Variants in CAMK2D observed in about 807,000 individuals in gnomAD.
CAMK2D encodes calcium/calmodulin-dependent protein kinase type II subunit delta.
In CAMK2D, 37 loss-of-function variants were observed where a neutral mutation model predicts 84.0. That is an observed-to-expected ratio of 0.44 (90% CI 0.34 to 0.58). The LOEUF (loss-of-function observed/expected upper bound fraction) is 0.58, where lower values mean the gene tolerates loss of function less well. CAMK2D is among the 20% of genes least tolerant of loss of function. The probability of loss-of-function intolerance (pLI) is 0.02; values close to 1 mark genes in which losing one functional copy is unlikely to be tolerated. For missense variants in CAMK2D, 448 were observed against 652.5 expected, an observed-to-expected ratio of 0.69 and a Z score of 3.41; for synonymous variants, 202 against 212.5, an observed-to-expected ratio of 0.95 and a Z score of 0.43.
At chr4:113,455,987 G>A (rs560042777) in intron 19 of CAMK2D, among the ~76,000 whole-genome samples, 166 bp from the exon 20 acceptor site, 1 of 152,172 alleles carries the variant, frequency 6.6e-6, no homozygotes, top group South Asian at 2.1e-4. Flanking sequence ...TACCTCTTTG[G>A]GGTGAAAAAC....
At chr4:113,555,640 C>G (rs959433873) in intron 4 of CAMK2D, among the ~76,000 whole-genome samples, 7 of 152,164 alleles carry the variant, frequency 4.6e-5, no homozygotes, top group African/African-American at 1.7e-4. Context: ...GTGATGAAGG[C>G]AGAAGTTGTA....
chr4:113,655,501 T>C (rs1242655410), intron 3 of CAMK2D, among the ~76,000 whole-genome samples: 3 of 152,104 alleles, frequency 2.0e-5, no homozygotes, highest in East Asian at 3.8e-4. Flanking sequence ...CTGAAGTTCA[T>C]TAAGCCATAT....
At chr4:113,599,041 T>C (rs1213960859) in intron 4 of CAMK2D, among the ~76,000 whole-genome samples, 1 of 152,166 alleles carries the variant, frequency 6.6e-6, no homozygotes, top group Non-Finnish European at 1.5e-5. Flanking sequence ...ATGCAGATGG[T>C]AAGCGAGCAT....
intron 2 of CAMK2D, among the ~76,000 whole-genome samples, chr4:113,692,559 CAT>C (rs1381087152): frequency 4.0e-5 from 6 of 151,792 alleles, no homozygotes; most frequent in Admixed American, 2.6e-4. Flanking sequence ...TCACACTATT[CAT>C]ATAGTCATAC....
intron 2 of CAMK2D, among the ~76,000 whole-genome samples, chr4:113,681,695 T>G (rs541393734): frequency 9.2e-5 from 14 of 152,258 alleles, no homozygotes; most frequent in Admixed American, 3.3e-4. Flanking sequence ...CTGAGTTAAT[T>G]CCATGCTATA....
At chr4:113,500,862 G>T (rs1268277432) in intron 15 of CAMK2D, among the ~76,000 whole-genome samples, 2 of 152,032 alleles carry the variant, frequency 1.3e-5, no homozygotes, top group Non-Finnish European at 2.9e-5. Flanking sequence ...ACAAGCAATT[G>T]AATATGTTAG....
intron 4 of CAMK2D, among the ~76,000 whole-genome samples, chr4:113,566,237 A>G (rs1361064295): frequency 6.6e-6 from 1 of 152,230 alleles, no homozygotes; most frequent in Admixed American, 6.5e-5. Flanking sequence ...TTTAAAAACC[A>G]TGTATCTTCC....
chr4:113,517,758 G>C, intron 8 of CAMK2D, 101 bp from the exon 9 acceptor site: 3 of 616,240 alleles, frequency 4.9e-6, no homozygotes, highest in Middle Eastern at 5.5e-4. Flanking sequence ...TGTTAAAACA[G>C]AGAAAACTGG....
At chr4:113,455,616 T>G in intron 20 of CAMK2D, 110 bp downstream of exon 20, 1 of 593,148 alleles carries the variant, frequency 1.7e-6, no homozygotes, top group Non-Finnish European at 3.0e-6. Context: ...CTTGTGCGTT[T>G]TTCATTGAAT....
At chr4:113,754,042 A>C (rs2099623019) in intron 2 of CAMK2D, 1 of 903,346 alleles carries the variant, frequency 1.1e-6, no homozygotes, top group African/African-American at 1.8e-5. Flanking sequence ...TTATTAAATA[A>C]ACACATAAAG....
At chr4:113,492,461 A>T (rs1046861100) in intron 16 of CAMK2D, among the ~76,000 whole-genome samples, 19 of 152,120 alleles carry the variant, frequency 1.2e-4, no homozygotes, top group Non-Finnish European at 2.1e-4. Context: ...TTTGAGTGAG[A>T]TTCTTAATCC....
At chr4:113,626,585 G>A (rs2099069139) in intron 3 of CAMK2D, among the ~76,000 whole-genome samples, 1 of 152,148 alleles carries the variant, frequency 6.6e-6, no homozygotes, top group South Asian at 2.1e-4. Context: ...TTCAGAGAAT[G>A]GATAGCCCAA....
intron 16 of CAMK2D, among the ~76,000 whole-genome samples, chr4:113,488,736 T>C (rs1207257115): frequency 6.6e-6 from 1 of 152,210 alleles, no homozygotes; most frequent in Admixed American, 6.5e-5. Context: ...AGAAAAGCTA[T>C]TTATAGAAAT....
intron 3 of CAMK2D, among the ~76,000 whole-genome samples, chr4:113,614,332 C>T (rs916561696): frequency 4.6e-5 from 7 of 152,144 alleles, no homozygotes; most frequent in African/African-American, 1.7e-4. Flanking sequence ...CAGTCAATTA[C>T]ATTGGTGGAC....
In CAMK2D at chr4:113,547,699, A is replaced by C; in HGVS notation, c.359T>G (p.Ile120Ser). 1.9e-6 allele frequency: 3 copies of C among 1,559,936 alleles called. No individual in the cohort carries two copies. The highest frequency in any genetic ancestry group is 2.6e-6 in the Non-Finnish European group (3 of 1,159,246). The change falls in exon 6 of 21, where the codon ATC becomes AGC. Residue 120 changes from isoleucine (I) to serine (S), a missense_variant. Around this residue, in one of 7 missense-constraint regions of CAMK2D, gnomAD observed 60 missense variants for 70.0 expected, o/e 0.86. Transcript: ENST00000511664. ...ATGGCAGTGTAGCACAGCCTCCAGG[A>C]TCTGCTGAATGCAATGACTGCATGC... is the stretch of plus-strand genomic sequence containing the variant. ...EADASHCIQQ[I>S]LEAVLHCHQM...
intron 2 of CAMK2D, among the ~76,000 whole-genome samples, chr4:113,686,007 T>G (rs1224104311): frequency 2.0e-5 from 3 of 151,346 alleles, no homozygotes; most frequent in Non-Finnish European, 2.9e-5. Flanking sequence ...GAGATTGCAG[T>G]GAGCCGTGAT....
chr4:113,627,604 C>G (rs1234019690), intron 3 of CAMK2D, among the ~76,000 whole-genome samples: 1 of 152,176 alleles, frequency 6.6e-6, no homozygotes, highest in African/African-American at 2.4e-5. Context: ...CAGATATTTT[C>G]CATAAGGCAC....
chr4:113,758,568 C>T (rs942489940), intron 2 of CAMK2D, among the ~76,000 whole-genome samples: 5 of 152,158 alleles, frequency 3.3e-5, no homozygotes, highest in African/African-American at 1.2e-4. Flanking sequence ...ATACCTCAGA[C>T]ACGTGCCCAC....
At chr4:113,522,094 A>G (rs971048781) in intron 8 of CAMK2D, among the ~76,000 whole-genome samples, 3 of 152,230 alleles carry the variant, frequency 2.0e-5, no homozygotes, top group South Asian at 2.1e-4. Context: ...TAGAAAGACT[A>G]TATCATCGAG....
Sources: gnomAD v4.1 joint callset for allele counts (sites outside exome capture counted in the v4.1 genomes callset) on GRCh38, gnomAD v4.1.1 for gene constraint, gnomAD v4.1.1 regional missense constraint, MANE v1.5 for transcripts, NCBI Gene and HGNC (gene_info 2026-07-23, HGNC 2026-07-21) for gene names.